The following SESN1 variants were observed in gnomAD, a reference collection of about 807,000 sequenced individuals.
The protein encoded by SESN1 is sestrin 1.
A neutral mutation model predicts 59.3 loss-of-function variants in SESN1; 30 were observed. The observed-to-expected ratio is 0.51, with a 90% CI of 0.38 to 0.69. The LOEUF (loss-of-function observed/expected upper bound fraction) is 0.69, where lower values mean the gene tolerates loss of function less well. SESN1 is among the 30% of genes least tolerant of loss of function. SESN1 has a pLI of 0.00. For missense variants in SESN1, 566 were observed against 673.0 expected, an observed-to-expected ratio of 0.84 and a Z score of 1.76; for synonymous variants, 197 against 219.9, an observed-to-expected ratio of 0.90 and a Z score of 0.92.
rs1057138326 is a variant in SESN1, at chr6:108,986,709, A to G, written c.*835T>C. 1.3e-5 allele frequency: 2 copies of G among 152,318 alleles called. No individual in the cohort carries two copies. The highest frequency in any genetic ancestry group is 1.3e-4 in the Admixed American group (2 of 15,286). 9.4% of individuals were successfully genotyped at this position (152,318 alleles called of 1,614,324 possible). The stretch of plus-strand genomic sequence containing the variant: ...CTGAATGCACCCAGGACTGCGCAGC[A>G]GTCTACAGCAACATGTCCCACAACT... On this transcript the variant is annotated 3_prime_UTR_variant, in exon 10 of 10. Transcript: ENST00000436639.
rs1292019801 is a variant in SESN1, at chr6:108,992,768, A to G, written c.1233+19T>C. On this transcript the variant is annotated intron_variant, in intron 7 of 9. Transcript: ENST00000436639. ...GAGATATTTCTAGTCAATCATGTGC[A>G]TACAAGTTGCAATTTTACCTGGACA... is the stretch of plus-strand genomic sequence containing the variant. 3 of 1,456,792 alleles carry G rather than the reference A, an allele frequency of 2.1e-6. No homozygotes were observed. Among genetic ancestry groups the G allele is most frequent in the South Asian group, 1.1e-5 (1 of 87,946 alleles). The allele number at this position is 1,456,792 out of a possible 1,614,324, so 90.2% of individuals were successfully genotyped here.
chr6:109,042,686 A>G (rs911194692), intron 1 of SESN1, among the ~76,000 whole-genome samples: 2 of 152,016 alleles, frequency 1.3e-5, no homozygotes, highest in Non-Finnish European at 2.9e-5. Context: ...GAATAGCCCT[A>G]TTGCTATTAA....
chr6:109,017,402 C>T (rs1293692543), intron 1 of SESN1, among the ~76,000 whole-genome samples: 3 of 152,122 alleles, frequency 2.0e-5, no homozygotes, highest in African/African-American at 4.8e-5. Context: ...TCTCCTGCCT[C>T]AGCCTCCCAA....
intron 1 of SESN1, among the ~76,000 whole-genome samples, chr6:109,034,100 A>T (rs889655650): frequency 2.0e-5 from 3 of 152,228 alleles, no homozygotes; most frequent in Non-Finnish European, 4.4e-5. Flanking sequence ...AGTAAATATT[A>T]GTTGTGGGAC....
At chr6:109,052,200 C>CTGTTT in intron 1 of SESN1, among the ~76,000 whole-genome samples, 1 of 152,294 alleles carries the variant, frequency 6.6e-6, no homozygotes, top group East Asian at 1.9e-4. Flanking sequence ...TCCTCTTAGC[C>CTGTTT]TAAAACAGTG....
At chr6:109,006,434 G>A (rs902848138) in intron 1 of SESN1, among the ~76,000 whole-genome samples, 3 of 151,224 alleles carry the variant, frequency 2.0e-5, no homozygotes, top group Non-Finnish European at 2.9e-5. Flanking sequence ...ATCTCCTAAT[G>A]CTATCCCTCC....
chr6:109,094,117 G>A lies in SESN1; in HGVS notation c.-44C>T, dbSNP rs1781415536. ...GCGGTCTTCAGTTACCTTTCAGCAT[G>A]CCCCAAAAAAATTGCTTTGTATTTT... On this transcript the variant is annotated 5_prime_UTR_variant, in exon 1 of 10. Coordinates refer to ENST00000436639, the MANE Select transcript of SESN1 (RefSeq NM_014454.3). The A allele has an allele frequency of 6.5e-7, 1 of 1,541,772 alleles. No individual in the cohort carries two copies. The highest frequency in any genetic ancestry group is 2.3e-5 in the East Asian group (1 of 43,954).
At chr6:109,036,758 C>G (rs1347565595) in intron 1 of SESN1, among the ~76,000 whole-genome samples, 1 of 152,134 alleles carries the variant, frequency 6.6e-6, no homozygotes, top group Non-Finnish European at 1.5e-5. Flanking sequence ...TTTCTTGTTT[C>G]CAGTGGCGCT....
intron 4 of SESN1, chr6:108,999,071 G>A: frequency 5.4e-6 from 1 of 184,772 alleles, no homozygotes; most frequent in South Asian, 1.2e-4. Flanking sequence ...GAATTACTGT[G>A]TTGTTAGTTC....
At chr6:109,081,278 A>T (rs1019041693) in intron 1 of SESN1, among the ~76,000 whole-genome samples, 1 of 152,124 alleles carries the variant, frequency 6.6e-6, no homozygotes, top group African/African-American at 2.4e-5. Flanking sequence ...ATGAGGTCTC[A>T]CTATGTTGCC....
rs533665199 is a variant in SESN1, at chr6:109,039,277, G to T, written c.280-36934C>A. Among the ~76,000 whole-genome samples the T allele has an allele frequency of 2.0e-5, 3 of 152,326 alleles. No individual in the cohort carries two copies. The East Asian group carries it at 5.8e-4, about 29-fold the overall frequency. On this transcript the variant is annotated intron_variant, in intron 1 of 9. Coordinates refer to ENST00000436639, the MANE Select transcript of SESN1 (RefSeq NM_014454.3). ...TAAATTTTGCCTACTTCACAAATTT[G>T]TATGGAATATAAATTGTATATACTG...
chr6:109,067,968 G>T (rs969176051), intron 1 of SESN1, among the ~76,000 whole-genome samples: 3 of 152,180 alleles, frequency 2.0e-5, no homozygotes, highest in African/African-American at 7.2e-5. Context: ...GAAGGTCAGG[G>T]TATTTATTCT....
intron 1 of SESN1, among the ~76,000 whole-genome samples, chr6:109,084,186 T>C (rs1781170731): frequency 6.6e-6 from 1 of 152,234 alleles, no homozygotes; most frequent in South Asian, 2.1e-4. Flanking sequence ...AATGATTATA[T>C]ATACATATTA....
In SESN1 at chr6:108,984,566, C is replaced by T. The variant is rs1779131716; in HGVS notation, c.*2978G>A. ...CACCACATTGAGGATTACATTTCAG[C>T]ATACAACATACATCAACATACAAAT... On this transcript the variant is annotated 3_prime_UTR_variant, in exon 10 of 10. Transcript: ENST00000436639. Among the ~76,000 whole-genome samples, 1 of 152,182 alleles carries T rather than the reference C, an allele frequency of 6.6e-6. No individual in the cohort carries two copies. The highest frequency in any genetic ancestry group is 1.5e-5 in the Non-Finnish European group (1 of 68,036).
chr6:109,013,463 T>C (rs1365017110), intron 1 of SESN1, among the ~76,000 whole-genome samples: 3 of 152,196 alleles, frequency 2.0e-5, no homozygotes, highest in African/African-American at 7.2e-5. Flanking sequence ...AAATCTCAGA[T>C]TATCTGCTCT....
intron 1 of SESN1, among the ~76,000 whole-genome samples, chr6:109,091,463 T>C (rs1349574312): frequency 1.3e-5 from 2 of 152,170 alleles, no homozygotes; most frequent in Non-Finnish European, 2.9e-5. Flanking sequence ...TCTTAAGCTA[T>C]TCACGCCACC....
intron 1 of SESN1, among the ~76,000 whole-genome samples, chr6:109,077,388 T>A (rs1336552868): frequency 6.6e-6 from 1 of 152,248 alleles, no homozygotes; most frequent in Non-Finnish European, 1.5e-5. Context: ...AAGTTCATCT[T>A]TCTGGGTCTG....
At chr6:108,993,498 AGT>A (rs1300361644) in intron 6 of SESN1, among the ~76,000 whole-genome samples, 1 of 152,218 alleles carries the variant, frequency 6.6e-6, no homozygotes, top group African/African-American at 2.4e-5. Context: ...AAGAAAAAAA[AGT>A]GAACATCCAA....
intron 1 of SESN1, among the ~76,000 whole-genome samples, chr6:109,038,911 AAGGAGGAGG>A (rs10688675): frequency 6.7e-6 from 1 of 149,790 alleles, no homozygotes; most frequent in African/African-American, 2.5e-5. Context: ...AGAAAAAAGG[AAGGAGGAGG>A]AGGAGGAGAA....
Sources: allele counts gnomAD v4.1 joint callset (sites outside exome capture counted in the v4.1 genomes callset), GRCh38; gene constraint gnomAD v4.1.1; transcripts MANE v1.5; gene names NCBI Gene and HGNC (gene_info 2026-07-23, HGNC 2026-07-21).